The following LCN1 variants were observed in gnomAD, a reference collection of about 807,000 sequenced individuals.
LCN1 encodes lipocalin 1.
Under a neutral mutation model 22.3 loss-of-function variants are expected in LCN1, and 25 were observed. The observed-to-expected ratio is 1.12, with a 90% confidence interval of 0.82 to 1.56. LCN1 has a LOEUF of 1.56. Among genes scored for constraint, LCN1 ranks in the 40% most tolerant of loss-of-function variants. LCN1 has a pLI of 0.00. For missense variants in LCN1, 219 were observed against 235.6 expected, an observed-to-expected ratio of 0.93 and a Z score of 0.46; for synonymous variants, 85 against 97.6, an observed-to-expected ratio of 0.87 and a Z score of 0.76.
chr9:135,524,345 G>T (rs1429558606), intron 4 of LCN1, among the ~76,000 whole-genome samples: 1 of 152,188 alleles, frequency 6.6e-6, no homozygotes, highest in Non-Finnish European at 1.5e-5. Context: ...GAGGAACAGG[G>T]ATGTGAGCAG....
chr9:135,524,031 T>C (rs55713520), intron 4 of LCN1, 41 bp downstream of exon 4: 42,082 of 1,472,692 alleles, frequency 0.029, 1,135 homozygotes, highest in Admixed American at 0.089. Flanking sequence ...TGCCTCCACC[T>C]GCCCTCCCTC....
Position 135,523,894 on chromosome 9 carries a change from G to T in LCN1, c.307G>T (p.Val103Leu), listed in dbSNP as rs55884352. 0.012 allele frequency: 19,600 copies of T among 1,613,908 alleles called. 161 individuals carry two copies. The highest frequency in any genetic ancestry group is 0.027 in the East Asian group (1,216 of 44,876). The change falls in exon 4 of 7, where the codon GTG (valine) becomes TTG (leucine). Residue 103 changes from valine to leucine, a missense_variant. Physicochemically the swap from Val to Leu is conservative, Grantham distance 32 (BLOSUM62 1). Transcript: ENST00000371781. ...TCTTTCTGCAGACGGGGGCAAGCAC[G>T]TGGCATACATCATCAGGTCGCACGT... ...GKYTADGGKHVAYIIRSHVKD... is the reference protein window; with the variant it reads ...GKYTADGGKHLAYIIRSHVKD...
intron 4 of LCN1, 58 bp downstream of exon 4, chr9:135,524,048 C>T (rs981219813): frequency 1.3e-5 from 17 of 1,289,660 alleles, no homozygotes; most frequent in African/African-American, 5.8e-5. Flanking sequence ...CCTCCTCCCT[C>T]GGCCTCCTGC....
Position 135,523,967 on chromosome 9 carries a change from C to G in LCN1, c.380C>G (p.Pro127Arg). The G allele has an allele frequency of 6.2e-7, 1 of 1,613,958 alleles. No homozygotes were observed. The highest frequency in any genetic ancestry group is 8.5e-7 in the Non-Finnish European group (1 of 1,179,920). ...TGTGAGGGCGAGCTGCACGGGAAGC[C>G]GGTCCGAGGGGTGAAGCTCGTGGGT... ...FYCEGELHGK[P>R]VRGVKLVGRD... The change falls in exon 4 of 7, where the codon CCG (proline) becomes CGG (arginine). Residue 127 changes from proline (P) to arginine (R), a missense_variant. Pro to Arg is a moderately radical substitution (Grantham distance 103). Coordinates refer to ENST00000371781, the MANE Select transcript of LCN1 (RefSeq NM_002297.4).
intron 6 of LCN1, 26 bp downstream of exon 6, chr9:135,525,184 T>G (rs1459065379): frequency 1.2e-6 from 2 of 1,610,286 alleles, no homozygotes; most frequent in Non-Finnish European, 1.7e-6. Flanking sequence ...TAGAGGACAT[T>G]TGAGAAAATC....
Position 135,523,102 on chromosome 9 carries a change from G to A in LCN1, c.222-130G>A, listed in dbSNP as rs539646289. The A allele has an allele frequency of 6.3e-6, 5 of 798,320 alleles. 1 individual carries two copies. The South Asian group carries it at 9.4e-5, about 15-fold the overall frequency. The allele number at this position is 798,320 out of a possible 1,614,324, so 49.5% of individuals were successfully genotyped here. A position where few individuals can be genotyped will look rare whatever the true frequency, so the allele number is the denominator to read the frequency against. ...CGCTGGTGCCTGGGTCTGAGATGCA[G>A]AGAAGCACCCTCCTCCATGGGCCTG... On this transcript the variant is annotated intron_variant, in intron 2 of 6. Coordinates refer to ENST00000371781, the MANE Select transcript of LCN1 (RefSeq NM_002297.4).
At position 135,526,339 on chromosome 9, in the gene LCN1, T is replaced by C; in HGVS notation, c.*2-5T>C. On this transcript the variant is annotated splice_polypyrimidine_tract_variant and splice_region_variant and intron_variant, in intron 6 of 6. Coordinates refer to ENST00000371781, the MANE Select transcript of LCN1 (RefSeq NM_002297.4). ...TGGCCTCACTCACCCTCCCCCCCTT[T>C]CCAGGGCAGGGGACACCTTGGCTCC... The C allele has an allele frequency of 1.7e-6, 2 of 1,210,530 alleles. No individual in the cohort carries two copies. The highest frequency in any genetic ancestry group is 2.8e-5 in the South Asian group (2 of 71,260). 75.0% of individuals were successfully genotyped at this position (1,210,530 alleles called of 1,614,324 possible).
At position 135,523,972 on chromosome 9, in the gene LCN1, C is replaced by A; in HGVS notation, c.385C>A (p.Arg129=). The A allele has an allele frequency of 6.2e-7, 1 of 1,613,930 alleles. No homozygotes were observed. Among genetic ancestry groups the A allele is most frequent in the Non-Finnish European group, 8.5e-7 (1 of 1,179,898 alleles). ...GGGCGAGCTGCACGGGAAGCCGGTC[C>A]GAGGGGTGAAGCTCGTGGGTGGGTC... ...CEGELHGKPV[R]GVKLVGRDPK... The change falls in exon 4 of 7, where the codon CGA becomes AGA. Residue 129 remains arginine (R), a synonymous_variant. Coordinates refer to ENST00000371781, the MANE Select transcript of LCN1 (RefSeq NM_002297.4).
At chr9:135,526,104 GC>G (rs1296670937) in intron 6 of LCN1, among the ~76,000 whole-genome samples, 1 of 62,610 alleles carries the variant, frequency 1.6e-5, no homozygotes, top group African/African-American at 7.4e-5. Context: ...GCCCACATGT[GC>G]CCCCCACACC....
chr9:135,521,898 G>A (rs1263489161), intron 1 of LCN1, 149 bp from the exon 2 acceptor site: 2 of 1,307,326 alleles, frequency 1.5e-6, no homozygotes, highest in Non-Finnish European at 1.0e-6. Context: ...GCCTGGCGAG[G>A]GTGCTGGGTG....
rs939186811 is a variant in LCN1, at chr9:135,526,424, G to T, written c.*82G>T. The stretch of plus-strand genomic sequence containing the variant: ...CGTCATTCACAGGGACATGGAAAAA[G>T]CTCCCCACCCCTGCAGAACGCGGCT... On this transcript the variant is annotated 3_prime_UTR_variant, in exon 7 of 7. Coordinates refer to ENST00000371781, the MANE Select transcript of LCN1 (RefSeq NM_002297.4). 8 of 1,285,826 alleles carry T rather than the reference G, an allele frequency of 6.2e-6. No homozygotes were observed. The highest frequency in any genetic ancestry group is 5.6e-5 in the East Asian group (1 of 17,724). The allele number at this position is 1,285,826 out of a possible 1,614,324, so 79.7% of individuals were successfully genotyped here. A position where few individuals can be genotyped will look rare whatever the true frequency, so the allele number is the denominator to read the frequency against.
At chr9:135,526,127 G>A (rs115665996) in intron 6 of LCN1, among the ~76,000 whole-genome samples, 640 of 48,650 alleles carry the variant, frequency 0.013, 26 homozygotes, top group African/African-American at 0.053. Flanking sequence ...TCACCCCTGA[G>A]AGCCTGCTGT....
chr9:135,522,412 A>G (rs1391507255), intron 2 of LCN1, among the ~76,000 whole-genome samples: 4 of 152,206 alleles, frequency 2.6e-5, no homozygotes, highest in Non-Finnish European at 4.4e-5. Context: ...AGCCCTGGGT[A>G]CCGCCCACTT....
intron 4 of LCN1, 71 bp downstream of exon 4, chr9:135,524,061 C>T: frequency 1.7e-6 from 2 of 1,176,816 alleles, no homozygotes; most frequent in Middle Eastern, 1.9e-4. Context: ...CCTCCTGCAC[C>T]CTCTTCCCCA....
chr9:135,523,590 C>A (rs929666993), intron 3 of LCN1, among the ~76,000 whole-genome samples: 3 of 152,158 alleles, frequency 2.0e-5, no homozygotes, highest in African/African-American at 7.2e-5. Flanking sequence ...TATTTGGCTG[C>A]GGGGGGCTGT....
At position 135,522,121 on chromosome 9, in the gene LCN1, A is replaced by G. The variant is rs777087402; in HGVS notation, c.165A>G (p.Thr55=). 2.5e-4 allele frequency: 402 copies of G among 1,598,758 alleles called. 1 individual carries two copies. The South Asian group carries it at 4.4e-3, about 17-fold the overall frequency. Reference sequence around the variant, plus strand: ...CTGAGATGAATCTGGAATCGGTGACACCCATGACCCTCACGACCCTGGAAG... The same window carrying G: ...CTGAGATGAATCTGGAATCGGTGACGCCCATGACCCTCACGACCCTGGAAG... ...EFPEMNLESV[T]PMTLTTLEGG... The change falls in exon 2 of 7, where the codon ACA becomes ACG. Residue 55 remains threonine, a synonymous_variant. Transcript: ENST00000371781.
Position 135,526,363 on chromosome 9 carries a change from C to G in LCN1, c.*21C>G. 7.9e-6 allele frequency: 10 copies of G among 1,273,692 alleles called. No homozygotes were observed. The highest frequency in any genetic ancestry group is 1.0e-5 in the Non-Finnish European group (10 of 981,866). 78.9% of individuals were successfully genotyped at this position (1,273,692 alleles called of 1,614,324 possible). ...TTCCAGGGCAGGGGACACCTTGGCTCCTCAGCAGCCCAAGGACGGCACCAT... is the reference window on the plus strand; with the variant it reads ...TTCCAGGGCAGGGGACACCTTGGCTGCTCAGCAGCCCAAGGACGGCACCAT... On this transcript the variant is annotated 3_prime_UTR_variant, in exon 7 of 7. Coordinates refer to ENST00000371781, the MANE Select transcript of LCN1 (RefSeq NM_002297.4).
At chr9:135,523,447 A>G (rs1156667229) in intron 3 of LCN1, 145 bp downstream of exon 3, 1 of 697,378 alleles carries the variant, frequency 1.4e-6, no homozygotes, top group Non-Finnish European at 2.4e-6. Context: ...CTCTTCTCCC[A>G]CTGGTCAATT....
At chr9:135,526,309 T>C in intron 6 of LCN1, 35 bp from the exon 7 acceptor site, 4 of 864,082 alleles carry the variant, frequency 4.6e-6, no homozygotes, top group South Asian at 5.2e-5. Context: ...CCACCCTTGC[T>C]GTCCTGGCCT....
Sources: allele counts gnomAD v4.1 joint callset (sites outside exome capture counted in the v4.1 genomes callset), GRCh38; gene constraint gnomAD v4.1.1; transcripts MANE v1.5; gene names NCBI Gene and HGNC (gene_info 2026-07-23, HGNC 2026-07-21).